The following CDYL2 variants were observed in gnomAD, a reference collection of about 807,000 sequenced individuals.
The protein encoded by CDYL2 is chromodomain Y like 2.
A neutral mutation model predicts 49.4 loss-of-function variants in CDYL2; 23 were observed. That is an observed-to-expected ratio of 0.47 (90% CI 0.34 to 0.66). CDYL2 has a LOEUF of 0.66. Among genes scored for constraint, CDYL2 ranks in the 30% least tolerant of loss-of-function variants. The probability of loss-of-function intolerance (pLI) is 0.01; values close to 1 mark genes in which losing one functional copy is unlikely to be tolerated. For synonymous variants in CDYL2, 360 were observed against 268.8 expected (o/e 1.34, Z -3.32); for missense variants, 678 against 656.4 (o/e 1.03, Z -0.36).
In CDYL2 at chr16:80,598,327, A is replaced by T. The variant is rs1486833115; in HGVS notation, c.*6061T>A. 6.6e-6 allele frequency: 1 copy of T among 152,126 alleles called. No individual in the cohort carries two copies. Among genetic ancestry groups the T allele is most frequent in the Non-Finnish European group, 1.5e-5 (1 of 68,024 alleles). The allele number at this position is 152,126 out of a possible 1,614,324, so 9.4% of individuals were successfully genotyped here. A position where few individuals can be genotyped will look rare whatever the true frequency, so the allele number is the denominator to read the frequency against. ...TCCAAACACTCCTAGGGTGGGCTGG[A>T]TAAGTTTTTGGTAGCCTGCTTCATT... On this transcript the variant is annotated 3_prime_UTR_variant, in exon 7 of 7. Transcript: ENST00000570137.
rs577858077 is a variant in CDYL2 at position 80,675,007 on chromosome 16, CAT to C, written c.616+9529_616+9530del. Among the ~76,000 whole-genome samples, 334 of 152,258 alleles carry C rather than the reference CAT, an allele frequency of 2.2e-3. 1 individual carries two copies. The highest frequency in any genetic ancestry group is 7.0e-3 in the African/African-American group (289 of 41,534). Reference sequence around the variant, plus strand: ...ATGTGCATGTGTATGTACATGCATACATGTGTGTGTGTTTTAATCTAAGGCCC... The same window carrying C: ...ATGTGCATGTGTATGTACATGCATACGTGTGTGTGTTTTAATCTAAGGCCC... On this transcript the variant is annotated intron_variant, in intron 2 of 6. Transcript: ENST00000570137.
intron 4 of CDYL2, among the ~76,000 whole-genome samples, chr16:80,615,853 C>T (rs573821880): frequency 6.6e-6 from 1 of 152,304 alleles, no homozygotes; most frequent in Non-Finnish European, 1.5e-5. Context: ...TTAATGAAGG[C>T]CACCCCCCAT....
At chr16:80,670,890 G>A in intron 2 of CDYL2, 1 of 455,936 alleles carries the variant, frequency 2.2e-6, no homozygotes, top group Non-Finnish European at 4.4e-6. Context: ...TGCGCACGAG[G>A]AAGATAAAAG....
At chr16:80,620,650 G>C (rs1042303454) in intron 4 of CDYL2, 113 bp downstream of exon 4, 7 of 1,015,718 alleles carry the variant, frequency 6.9e-6, no homozygotes, top group African/African-American at 5.0e-5. Flanking sequence ...ATATACTTAT[G>C]CTAAAAATAA....
intron 3 of CDYL2, among the ~76,000 whole-genome samples, chr16:80,630,748 T>C (rs969520002): frequency 5.3e-5 from 8 of 152,020 alleles, no homozygotes; most frequent in African/African-American, 1.7e-4. Context: ...CCCTCACCAT[T>C]TGTCAATCAT....
intron 1 of CDYL2, among the ~76,000 whole-genome samples, chr16:80,720,871 G>A (rs1904975271): frequency 6.6e-6 from 1 of 152,178 alleles, no homozygotes; most frequent in Non-Finnish European, 1.5e-5. Context: ...TTGAGCATGT[G>A]TGGTTGCTGA....
In CDYL2 at chr16:80,798,568, T is replaced by A. The variant is rs138586040; in HGVS notation, c.24+5582A>T. On this transcript the variant is annotated intron_variant, in intron 1 of 6. Transcript: ENST00000570137. ...TTCTCCACTTTAGCTTACTTTATTG[T>A]AAGAATAGAGTATATACTACATATA... Among the ~76,000 whole-genome samples, 101 of 152,338 alleles carry A rather than the reference T, an allele frequency of 6.6e-4. 1 individual carries two copies. In the East Asian group the frequency reaches 0.018, roughly 27 times the overall value.
intron 1 of CDYL2, among the ~76,000 whole-genome samples, chr16:80,794,225 C>G (rs1907696754): frequency 6.6e-6 from 1 of 152,168 alleles, no homozygotes; most frequent in Non-Finnish European, 1.5e-5. Flanking sequence ...GTTACACATT[C>G]CACTGTTATC....
In CDYL2 at chr16:80,606,653, G is replaced by A. The variant is rs560575903; in HGVS notation, c.1362+1439C>T. Among the ~76,000 whole-genome samples, 10 of 152,270 alleles carry A rather than the reference G, an allele frequency of 6.6e-5. No individual in the cohort carries two copies. The South Asian group carries it at 1.9e-3, about 28-fold the overall frequency. ...ACCCCTGTTTGCCCACAACTAAGGG[G>A]CATATGGTTTGCCTGTGTCCCAACC... On this transcript the variant is annotated intron_variant, in intron 6 of 6. Transcript: ENST00000570137.
chr16:80,607,152 T>A (rs187646281), intron 6 of CDYL2, among the ~76,000 whole-genome samples: 1 of 152,066 alleles, frequency 6.6e-6, no homozygotes, highest in East Asian at 1.9e-4. Context: ...CGCGTGAGTG[T>A]TGACTAACAA....
chr16:80,771,153 T>C (rs1906891658), intron 1 of CDYL2, among the ~76,000 whole-genome samples: 1 of 152,226 alleles, frequency 6.6e-6, no homozygotes, highest in Non-Finnish European at 1.5e-5. Context: ...CACTGTCTGA[T>C]AAAAGCAGAT....
chr16:80,649,492 C>G (rs1243685756), intron 2 of CDYL2, among the ~76,000 whole-genome samples: 1 of 151,714 alleles, frequency 6.6e-6, no homozygotes, highest in African/African-American at 2.4e-5. Context: ...AAGAGGACGC[C>G]AAAAACTATT....
intron 1 of CDYL2, among the ~76,000 whole-genome samples, chr16:80,797,525 G>C (rs1283784532): frequency 1.3e-5 from 2 of 151,920 alleles, no homozygotes; most frequent in African/African-American, 4.9e-5. Context: ...GCTGTTTATG[G>C]AGAGAATACT....
chr16:80,762,232 A>G (rs1298971570), intron 1 of CDYL2, among the ~76,000 whole-genome samples: 1 of 152,200 alleles, frequency 6.6e-6, no homozygotes, highest in Admixed American at 6.5e-5. Flanking sequence ...TCTATTGTCC[A>G]GAAGCGCTAG....
In CDYL2 at chr16:80,602,201, C is replaced by T. The variant is rs1275962585; in HGVS notation, c.*2187G>A. On this transcript the variant is annotated 3_prime_UTR_variant, in exon 7 of 7. Transcript: ENST00000570137. Reference sequence around the variant, plus strand: ...GCTTTCTCAAAGGAGGAGATAAGATCCAGATAGAGCTGTGACAACAGGCAT... The same window carrying T: ...GCTTTCTCAAAGGAGGAGATAAGATTCAGATAGAGCTGTGACAACAGGCAT... 1 of 152,190 alleles carries T rather than the reference C, an allele frequency of 6.6e-6. No homozygotes were observed. Among genetic ancestry groups the T allele is most frequent in the Non-Finnish European group, 1.5e-5 (1 of 68,042 alleles). 9.4% of individuals were successfully genotyped at this position (152,190 alleles called of 1,614,324 possible).
intron 2 of CDYL2, among the ~76,000 whole-genome samples, chr16:80,661,260 T>A (rs1909031811): frequency 6.6e-6 from 1 of 152,146 alleles, no homozygotes; most frequent in Admixed American, 6.5e-5. Flanking sequence ...GTTCCTCACT[T>A]AACACAGCCA....
chr16:80,670,761 T>C (rs1909468132), intron 2 of CDYL2, among the ~76,000 whole-genome samples: 1 of 152,116 alleles, frequency 6.6e-6, no homozygotes, highest in African/African-American at 2.4e-5. Context: ...AGAGAAGCCA[T>C]GTTGCAACAT....
At chr16:80,611,183 G>A (rs1248626167) in intron 5 of CDYL2, among the ~76,000 whole-genome samples, 1 of 152,200 alleles carries the variant, frequency 6.6e-6, no homozygotes, top group Non-Finnish European at 1.5e-5. Flanking sequence ...ACAGAGAGCT[G>A]GGGAATAGAA....
chr16:80,767,229 A>G (rs972896060), intron 1 of CDYL2, among the ~76,000 whole-genome samples: 2 of 152,192 alleles, frequency 1.3e-5, no homozygotes, highest in Non-Finnish European at 2.9e-5. Flanking sequence ...TGATTCTCCA[A>G]TTACCAAACC....
Sources: allele counts gnomAD v4.1 joint callset (sites outside exome capture counted in the v4.1 genomes callset), GRCh38; gene constraint gnomAD v4.1.1; transcripts MANE v1.5; gene names NCBI Gene and HGNC (gene_info 2026-07-23, HGNC 2026-07-21).